Variants in SLC25A46 observed in about 807,000 individuals in gnomAD.
SLC25A46 encodes the protein solute carrier family 25 member 46.
Under a neutral mutation model 44.6 loss-of-function variants are expected in SLC25A46, and 39 were observed. The ratio of observed to expected loss-of-function variants is 0.87; its 90% CI spans 0.68 to 1.14. SLC25A46 has a LOEUF of 1.14. Ranked by LOEUF, SLC25A46 falls within the 50% of genes most tolerant of loss-of-function variation. SLC25A46 has a pLI of 0.00. For synonymous variants in SLC25A46, 202 were observed against 185.8 expected (o/e 1.09, Z -0.71); for missense variants, 547 against 522.7 (o/e 1.05, Z -0.45).
In SLC25A46 at chr5:110,739,088, G is replaced by A. The variant is rs1307160707; in HGVS notation, c.-32G>A. On this transcript the variant is annotated 5_prime_UTR_variant, in exon 1 of 8. Coordinates refer to ENST00000355943, the MANE Select transcript of SLC25A46 (RefSeq NM_138773.4). ...GGTGGCCCCGGTGGTGGTGGGCTCCGGGCGGGCTCGCGTCATCCTGCCCCC... is the reference window on the plus strand; with the variant it reads ...GGTGGCCCCGGTGGTGGTGGGCTCCAGGCGGGCTCGCGTCATCCTGCCCCC... The A allele has an allele frequency of 4.2e-5, 64 of 1,538,850 alleles. No individual in the cohort carries two copies. The highest frequency in any genetic ancestry group is 5.4e-5 in the Non-Finnish European group (62 of 1,145,452).
rs1025615488 is a variant in SLC25A46, at chr5:110,763,950, T to C, written c.*2168T>C. On this transcript the variant is annotated 3_prime_UTR_variant, in exon 8 of 8. Coordinates refer to ENST00000355943, the MANE Select transcript of SLC25A46 (RefSeq NM_138773.4). ...AGCTAGCCAAATATGTTGCACTGAA[T>C]TTTGAAAAGAATGAGTGAGATAACT... The C allele has an allele frequency of 6.6e-6, 1 of 151,882 alleles. No individual in the cohort carries two copies. The highest frequency in any genetic ancestry group is 6.6e-5 in the Admixed American group (1 of 15,194). 9.4% of individuals were successfully genotyped at this position (151,882 alleles called of 1,614,324 possible).
At chr5:110,755,658 A>G (rs573241822) in intron 6 of SLC25A46, 137 bp downstream of exon 6, 1 of 497,490 alleles carries the variant, frequency 2.0e-6, no homozygotes, top group African/African-American at 2.0e-5. Context: ...ATAACTTCAA[A>G]GGACAAAGTA....
intron 5 of SLC25A46, 156 bp from the exon 6 acceptor site, chr5:110,755,309 C>A (rs571680002): frequency 3.7e-6 from 2 of 534,422 alleles, no homozygotes; most frequent in South Asian, 2.6e-5. Context: ...GTTGTTTACA[C>A]TGTGTTCTAG....
intron 4 of SLC25A46, among the ~76,000 whole-genome samples, chr5:110,747,860 G>A (rs1404528056): frequency 6.6e-6 from 1 of 152,112 alleles, no homozygotes; most frequent in East Asian, 1.9e-4. Context: ...TTAAGTTGTG[G>A]ATATGTAAGT....
intron 4 of SLC25A46, among the ~76,000 whole-genome samples, chr5:110,747,533 A>G (rs1186689360): frequency 1.3e-5 from 2 of 152,018 alleles, no homozygotes; most frequent in Non-Finnish European, 2.9e-5. Context: ...TATATCTATT[A>G]ATAATATAGA....
At chr5:110,758,550 C>T (rs768787393) in intron 7 of SLC25A46, among the ~76,000 whole-genome samples, 37 of 151,920 alleles carry the variant, frequency 2.4e-4, no homozygotes, top group Non-Finnish European at 3.8e-4. Flanking sequence ...ATCCTTGAGG[C>T]CTAGGTGGGC....
In SLC25A46 at chr5:110,750,122, C is replaced by CT. The variant is rs544582922; in HGVS notation, c.563+1865dup. 2.7e-4 allele frequency among the ~76,000 whole-genome samples: 41 copies of CT among 152,026 alleles called. 1 individual carries two copies. The highest frequency in any genetic ancestry group is 9.7e-4 in the African/African-American group (40 of 41,418). On this transcript the variant is annotated intron_variant, in intron 5 of 7. Transcript: ENST00000355943. ...GAAAGCAAGAGAAACTGATAGTAAGCTTTTTTCCAATGTGATTGCTTTTGA... is the reference window on the plus strand; with the variant it reads ...GAAAGCAAGAGAAACTGATAGTAAGCTTTTTTTCCAATGTGATTGCTTTTGA...
Position 110,739,160 on chromosome 5 carries a change from A to T in SLC25A46, c.41A>T (p.Tyr14Phe). The T allele has an allele frequency of 6.5e-7, 1 of 1,549,878 alleles. No individual in the cohort carries two copies. Among genetic ancestry groups the T allele is most frequent in the Non-Finnish European group, 8.7e-7 (1 of 1,146,934 alleles). ...RRPDGFDGLG[Y>F]RGGARDEQGF... ...CCGGACGGATTTGATGGCTTGGGCT[A>T]CCGGGGTGGTGCCCGGGACGAGCAG... The change falls in exon 1 of 8, where the codon TAC becomes TTC. Residue 14 changes from tyrosine to phenylalanine, a missense_variant. Tyr to Phe is a conservative substitution (Grantham distance 22, BLOSUM62 3). Coordinates refer to ENST00000355943, the MANE Select transcript of SLC25A46 (RefSeq NM_138773.4).
rs1032252241 is a variant in SLC25A46, at chr5:110,764,741, T to C, written c.*2959T>C. On this transcript the variant is annotated 3_prime_UTR_variant, in exon 8 of 8. Transcript: ENST00000355943. ...TGTGGAGGATTTTTGTCCACTGATC[T>C]TTTGCAACAGAAAAGCATACTTTGT... The C allele has an allele frequency of 1.3e-5, 2 of 151,968 alleles. No homozygotes were observed. Among genetic ancestry groups the C allele is most frequent in the African/African-American group, 2.4e-5 (1 of 41,430 alleles). The allele number at this position is 151,968 out of a possible 1,614,324, so 9.4% of individuals were successfully genotyped here. A position where few individuals can be genotyped will look rare whatever the true frequency, so the allele number is the denominator to read the frequency against.
Position 110,764,211 on chromosome 5 carries a change from T to C in SLC25A46, c.*2429T>C, listed in dbSNP as rs375631473. 1 of 151,876 alleles carries C rather than the reference T, an allele frequency of 6.6e-6. No individual in the cohort carries two copies. The allele number at this position is 151,876 out of a possible 1,614,324, so 9.4% of individuals were successfully genotyped here. On this transcript the variant is annotated 3_prime_UTR_variant, in exon 8 of 8. Transcript: ENST00000355943. Reference sequence around the variant, plus strand: ...CTTGTGATACACTTGCCTTACATTGTAGGGTTTCTTAATTTGAGTCAAGTA... The same window carrying C: ...CTTGTGATACACTTGCCTTACATTGCAGGGTTTCTTAATTTGAGTCAAGTA...
Position 110,743,711 on chromosome 5 carries a change from A to C in SLC25A46, c.327-19A>C. ...TATCTCTATGTAGACATACATATACATAAATTATTTTTATATAGTCTCTTT... is the reference window on the plus strand; with the variant it reads ...TATCTCTATGTAGACATACATATACCTAAATTATTTTTATATAGTCTCTTT... On this transcript the variant is annotated intron_variant, in intron 2 of 7. Coordinates refer to ENST00000355943, the MANE Select transcript of SLC25A46 (RefSeq NM_138773.4). 2 of 1,506,768 alleles carry C rather than the reference A, an allele frequency of 1.3e-6. No homozygotes were observed. Among genetic ancestry groups the C allele is most frequent in the African/African-American group, 2.8e-5 (2 of 71,784 alleles). The allele number at this position is 1,506,768 out of a possible 1,614,324, so 93.3% of individuals were successfully genotyped here. A position where few individuals can be genotyped will look rare whatever the true frequency, so the allele number is the denominator to read the frequency against.
chr5:110,757,840 G>A (rs916605057), intron 7 of SLC25A46, among the ~76,000 whole-genome samples: 9 of 152,066 alleles, frequency 5.9e-5, no homozygotes, highest in African/African-American at 1.7e-4. Flanking sequence ...ATTTATTGGG[G>A]AAAACAATTT....
Position 110,739,358 on chromosome 5 carries a change from CCT to C in SLC25A46, c.240_241del (p.Ser82GlnfsTer13). On this transcript the variant is annotated frameshift_variant, in exon 1 of 8. Coordinates refer to ENST00000355943, the MANE Select transcript of SLC25A46 (RefSeq NM_138773.4). LOFTEE classifies it high-confidence loss of function. ...CCGTACGAAGGCCCCACGGAGGAAC[CCT>C]TTTCCAGTGGCGGCGGCGGCAGTGT... 6.4e-7 allele frequency: 1 copy of C among 1,561,172 alleles called. No individual in the cohort carries two copies. The highest frequency in any genetic ancestry group is 1.2e-5 in the South Asian group (1 of 85,302).
chr5:110,749,331 A>T (rs1404846959), intron 5 of SLC25A46, among the ~76,000 whole-genome samples: 2 of 144,672 alleles, frequency 1.4e-5, no homozygotes, highest in African/African-American at 2.5e-5. Flanking sequence ...GGATCAGAGT[A>T]AAAAAAAAAA....
intron 5 of SLC25A46, chr5:110,753,245 A>G (rs1318728877): frequency 6.6e-6 from 1 of 151,340 alleles, no homozygotes; most frequent in Admixed American, 6.6e-5. Context: ...GGCTCTGACT[A>G]GGATTGATGA....
At chr5:110,757,794 A>G (rs960783040) in intron 7 of SLC25A46, among the ~76,000 whole-genome samples, 40 of 152,270 alleles carry the variant, frequency 2.6e-4, no homozygotes, top group African/African-American at 9.4e-4. Flanking sequence ...AATGTCAGGA[A>G]GGTAATTATT....
chr5:110,761,592 G>T lies in SLC25A46; in HGVS notation c.1067G>T (p.Gly356Val). The T allele has an allele frequency of 6.2e-7, 1 of 1,613,676 alleles. No homozygotes were observed. Among genetic ancestry groups the T allele is most frequent in the Non-Finnish European group, 8.5e-7 (1 of 1,179,742 alleles). Reference sequence around the variant, plus strand: ...ACAATAATTGACAATACAGACCTTGGCTATGAAGTGCTTCCAATTAATACA... The same window carrying T: ...ACAATAATTGACAATACAGACCTTGTCTATGAAGTGCTTCCAATTAATACA... ...TRTIIDNTDL[G>V]YEVLPINTQY... is the part of the protein sequence containing the mutation. The change falls in exon 8 of 8, where the codon GGC becomes GTC. Residue 356 changes from glycine to valine, a missense_variant. Physicochemically the swap from Gly to Val is moderately radical, Grantham distance 109. Coordinates refer to ENST00000355943, the MANE Select transcript of SLC25A46 (RefSeq NM_138773.4). This position sits in a 1 kb window ranked among gnomAD's most constrained non-coding sequence, Gnocchi z 5.3.
chr5:110,743,845 AG>A, intron 3 of SLC25A46, 58 bp downstream of exon 3: 1 of 1,305,080 alleles, frequency 7.7e-7, no homozygotes, highest in Non-Finnish European at 1.1e-6. Flanking sequence ...TATGAAGGGC[AG>A]AACTCACATA....
At position 110,761,372 on chromosome 5, in the gene SLC25A46, C is replaced by G. The variant is rs1212865856; in HGVS notation, c.847C>G (p.Gln283Glu). ...TCATTACATCATCAGCTCAGTTATT[C>G]AGAAGTTTGTCCTACTAATTCTAAA... is the stretch of plus-strand genomic sequence containing the variant. ...VLHYIISSVI[Q>E]KFVLLILKRK... Residue 283 changes from glutamine to glutamate, a missense_variant, in exon 8 of 8, where the codon CAG becomes GAG. Gln to Glu is a conservative substitution (Grantham distance 29). Transcript: ENST00000355943. The surrounding 1 kb of genome is among the most constrained non-coding windows in gnomAD (Gnocchi z 5.3). 1.2e-6 allele frequency: 2 copies of G among 1,613,740 alleles called. No homozygotes were observed. The highest frequency in any genetic ancestry group is 1.7e-6 in the Non-Finnish European group (2 of 1,179,798).
Sources: gnomAD v4.1 joint callset for allele counts (sites outside exome capture counted in the v4.1 genomes callset) on GRCh38, gnomAD v4.1.1 for gene constraint, Gnocchi (gnomAD v3.1) non-coding constraint, MANE v1.5 for transcripts, NCBI Gene and HGNC (gene_info 2026-07-23, HGNC 2026-07-21) for gene names.